CLCN5: variants seen among roughly 807,000 people sequenced by gnomAD.
The protein encoded by CLCN5 is Cl-/H+ antiporter 5, also known as H(+)/Cl(-) exchange transporter 5.
Under a neutral mutation model 54.0 loss-of-function variants are expected in CLCN5, and 17 were observed. The observed-to-expected ratio is 0.31, with a 90% CI of 0.22 to 0.47. CLCN5 has a LOEUF of 0.47. Among genes scored for constraint, CLCN5 ranks in the 20% least tolerant of loss-of-function variants. The probability of loss-of-function intolerance (pLI) is 1.00; values close to 1 mark genes in which losing one functional copy is unlikely to be tolerated. For missense variants in CLCN5, 448 were observed against 646.7 expected, an observed-to-expected ratio of 0.69 and a Z score of 3.33; for synonymous variants, 222 against 233.0, an observed-to-expected ratio of 0.95 and a Z score of 0.43.
At chrX:50,007,446 A>T (rs1339652377) in intron 3 of CLCN5, among the ~76,000 whole-genome samples, 73 of 99,276 alleles carry the variant, frequency 7.4e-4, no homozygotes, top group Non-Finnish European at 9.4e-4. Context: ...TCTGTCACAC[A>T]CACACACACA....
chrX:49,944,504 C>T lies in CLCN5; in HGVS notation c.16+19190C>T, dbSNP rs182155709. Among the ~76,000 whole-genome samples, 262 of 111,633 alleles carry T rather than the reference C, an allele frequency of 2.3e-3. 4 individuals carry two copies. In the East Asian group the frequency reaches 0.059, roughly 25 times the overall value. ...TGCCAGTTTTCAAAGGGAATGCTTC[C>T]AGTTTTTGCCCATTCAGTATGATAT... is the stretch of plus-strand genomic sequence containing the variant. On this transcript the variant is annotated intron_variant, in intron 3 of 14. Coordinates refer to ENST00000376091, the MANE Select transcript of CLCN5 (RefSeq NM_001127898.4).
intron 4 of CLCN5, among the ~76,000 whole-genome samples, chrX:50,058,589 T>C (rs1276134556): frequency 9.0e-6 from 1 of 111,335 alleles, no homozygotes; most frequent in Non-Finnish European, 1.9e-5. Context: ...TGTTGTTAAG[T>C]CTTTAGATCC....
chrX:50,021,177 C>T (rs1318405456), intron 3 of CLCN5, among the ~76,000 whole-genome samples: 1 of 98,539 alleles, frequency 1.0e-5, no homozygotes, highest in Non-Finnish European at 1.9e-5. Flanking sequence ...TGTAGTTCTC[C>T]TTGAAGAGGT....
At chrX:49,965,881 T>A (rs1927818734) in intron 3 of CLCN5, among the ~76,000 whole-genome samples, 1 of 112,271 alleles carries the variant, frequency 8.9e-6, no homozygotes, top group South Asian at 3.7e-4. Context: ...TCATATGGTT[T>A]AATAGTCTTT....
chrX:50,082,571 C>T (rs1216315097), intron 9 of CLCN5, among the ~76,000 whole-genome samples: 2 of 110,961 alleles, frequency 1.8e-5, no homozygotes, highest in African/African-American at 3.3e-5. Context: ...CCTCAGTCTC[C>T]CAAAGTGCTG....
At chrX:50,045,036 A>G (rs1402746612) in intron 4 of CLCN5, among the ~76,000 whole-genome samples, 1 of 111,056 alleles carries the variant, frequency 9.0e-6, no homozygotes, top group Non-Finnish European at 1.9e-5. Flanking sequence ...CCATCATGAT[A>G]AGTACTAGGA....
chrX:50,070,107 C>T, intron 5 of CLCN5, 77 bp downstream of exon 5: 1 of 956,616 alleles, frequency 1.0e-6, no homozygotes, highest in Non-Finnish European at 1.5e-6. Flanking sequence ...TCTTTCTATT[C>T]TTTCCTTTCT....
chrX:50,066,328 A>T (rs782594511), intron 4 of CLCN5, among the ~76,000 whole-genome samples: 2 of 111,514 alleles, frequency 1.8e-5, no homozygotes, highest in Admixed American at 1.9e-4. Flanking sequence ...TTAATGCTAG[A>T]TTAGTTCATC....
Position 50,011,694 on chromosome X carries a change from C to G in CLCN5, c.17-30622C>G, listed in dbSNP as rs1466538585. 1.5e-4 allele frequency among the ~76,000 whole-genome samples: 17 copies of G among 112,616 alleles called. No homozygotes were observed. In the Admixed American group the frequency reaches 1.6e-3, roughly 11 times the overall value. ...AGGGAAGTCTTCTTACTGCTACTTT[C>G]CTTCTTGCTGCTCTGTATAGGAGAG... On this transcript the variant is annotated intron_variant, in intron 3 of 14. Coordinates refer to ENST00000376091, the MANE Select transcript of CLCN5 (RefSeq NM_001127898.4).
chrX:50,015,216 G>A (rs1209745322), intron 3 of CLCN5, among the ~76,000 whole-genome samples: 3 of 110,562 alleles, frequency 2.7e-5, no homozygotes, highest in Admixed American at 9.7e-5. Context: ...AAATTCAGAC[G>A]GGCACAAATG....
intron 3 of CLCN5, among the ~76,000 whole-genome samples, chrX:50,033,532 C>T (rs992252987): frequency 5.4e-5 from 6 of 111,403 alleles, no homozygotes; most frequent in South Asian, 3.8e-4. Context: ...TACAAAGAAA[C>T]GGAAGAACAT....
intron 3 of CLCN5, among the ~76,000 whole-genome samples, chrX:50,014,946 A>G (rs1930711514): frequency 9.0e-6 from 1 of 111,459 alleles, no homozygotes; most frequent in South Asian, 3.8e-4. Flanking sequence ...CGGGAACCAG[A>G]GCCTTCTGAT....
At chrX:50,054,534 C>G (rs782340439) in intron 4 of CLCN5, 1 of 109,951 alleles carries the variant, frequency 9.1e-6, no homozygotes, top group East Asian at 2.8e-4. Flanking sequence ...ACCGTGGTCC[C>G]CAAGAGTTTC....
At chrX:50,052,777 A>G (rs1235868178) in intron 4 of CLCN5, among the ~76,000 whole-genome samples, 1 of 111,811 alleles carries the variant, frequency 8.9e-6, no homozygotes, top group Non-Finnish European at 1.9e-5. Flanking sequence ...GTTAATAATA[A>G]GGTATTGTAT....
intron 3 of CLCN5, among the ~76,000 whole-genome samples, chrX:49,958,021 T>A (rs1015069662): frequency 9.0e-5 from 10 of 110,790 alleles, no homozygotes; most frequent in Non-Finnish European, 1.7e-4. Context: ...TCCATGCAAC[T>A]TTATCACATG....
At chrX:50,078,482 C>G (rs182990300) in intron 7 of CLCN5, among the ~76,000 whole-genome samples, 43 of 112,551 alleles carry the variant, frequency 3.8e-4, no homozygotes, top group African/African-American at 1.4e-3. Flanking sequence ...AGGAAATTGA[C>G]ATAGGTACAA....
rs142079211 is a variant in CLCN5 at position 50,066,489 on chromosome X, A to G, written c.164-3390A>G. On this transcript the variant is annotated intron_variant, in intron 4 of 14. Transcript: ENST00000376091. The stretch of plus-strand genomic sequence containing the variant: ...GTAATACTATTTCAAAGCTCTACAC[A>G]TAGGGTCCAGTTATTACAGCACACT... Among the ~76,000 whole-genome samples the G allele has an allele frequency of 7.3e-3, 813 of 112,100 alleles. 6 individuals are homozygous for G. Among genetic ancestry groups the G allele is most frequent in the Non-Finnish European group, 0.011 (609 of 53,194 alleles).
intron 3 of CLCN5, among the ~76,000 whole-genome samples, chrX:49,973,879 T>C (rs1398927064): frequency 9.0e-6 from 1 of 111,569 alleles, no homozygotes. Context: ...ATTTGTATCT[T>C]ACCAAAAATA....
intron 2 of CLCN5, among the ~76,000 whole-genome samples, chrX:49,924,736 A>G (rs1294775845): frequency 9.0e-6 from 1 of 111,401 alleles, no homozygotes; most frequent in Non-Finnish European, 1.9e-5. Flanking sequence ...TTTTTCCCCT[A>G]TACAAGATCT....
Sources: gnomAD v4.1 joint callset for allele counts (sites outside exome capture counted in the v4.1 genomes callset) on GRCh38, gnomAD v4.1.1 for gene constraint, MANE v1.5 for transcripts, NCBI Gene and HGNC (gene_info 2026-07-23, HGNC 2026-07-21) for gene names.